The following HS3ST4 variants were observed in gnomAD, a reference collection of about 807,000 sequenced individuals.
The protein encoded by HS3ST4 is heparan sulfate-glucosamine 3-sulfotransferase 4, also known as heparan sulfate glucosamine 3-O-sulfotransferase 4.
A neutral mutation model predicts 29.2 loss-of-function variants in HS3ST4; 17 were observed. The ratio of observed to expected loss-of-function variants is 0.58; its 90% CI spans 0.40 to 0.87. The LOEUF (loss-of-function observed/expected upper bound fraction) is 0.87, where lower values mean the gene tolerates loss of function less well. Among genes scored for constraint, HS3ST4 ranks in the 40% least tolerant of loss-of-function variants. The pLI is 0.00. For missense variants in HS3ST4, 627 were observed against 634.5 expected (o/e 0.99, Z 0.13); for synonymous variants, 314 against 285.7 (o/e 1.10, Z -1.00).
chr16:26,046,145 ATTTTT>A (rs146624042), intron 1 of HS3ST4, among the ~76,000 whole-genome samples: 1 of 114,636 alleles, frequency 8.7e-6, no homozygotes, highest in African/African-American at 3.6e-5. Flanking sequence ...AGGACAGGAA[ATTTTT>A]TTTTTTTTTT....
At chr16:25,887,899 A>G (rs1967971144) in intron 1 of HS3ST4, among the ~76,000 whole-genome samples, 2 of 151,814 alleles carry the variant, frequency 1.3e-5, no homozygotes, top group South Asian at 4.2e-4. Context: ...GGGTTTCACC[A>G]TGTTAGCCAG....
At chr16:25,814,454 C>G (rs774273365) in intron 1 of HS3ST4, among the ~76,000 whole-genome samples, 3 of 152,098 alleles carry the variant, frequency 2.0e-5, no homozygotes, top group African/African-American at 4.8e-5. Context: ...TTAAGCCATT[C>G]TCCTGCCTCA....
chr16:25,891,267 G>T (rs1044114056), intron 1 of HS3ST4, among the ~76,000 whole-genome samples: 1 of 152,198 alleles, frequency 6.6e-6, no homozygotes, highest in Admixed American at 6.6e-5. Context: ...TGATATTCCA[G>T]TTACTCTTGC....
At chr16:25,941,705 T>C (rs868736471) in intron 1 of HS3ST4, among the ~76,000 whole-genome samples, 16 of 152,068 alleles carry the variant, frequency 1.1e-4, no homozygotes, top group South Asian at 1.0e-3. Flanking sequence ...GCCTCCTGAG[T>C]AGCTCAGATT....
chr16:25,762,876 CA>C (rs67260535), intron 1 of HS3ST4, among the ~76,000 whole-genome samples: 44 of 60,464 alleles, frequency 7.3e-4, no homozygotes, highest in Middle Eastern at 0.019. Context: ...GACCCTGTCT[CA>C]AAAAAAAAAA....
At chr16:25,965,853 A>T (rs1394051672) in intron 1 of HS3ST4, among the ~76,000 whole-genome samples, 1 of 152,184 alleles carries the variant, frequency 6.6e-6, no homozygotes, top group Non-Finnish European at 1.5e-5. Context: ...TTAATTAATT[A>T]ATGTTTTTGG....
At chr16:25,732,723 G>T (rs1439634620) in intron 1 of HS3ST4, among the ~76,000 whole-genome samples, 1 of 152,198 alleles carries the variant, frequency 6.6e-6, no homozygotes, top group Non-Finnish European at 1.5e-5. Context: ...GATGGAACCA[G>T]TTAAATTTCT....
chr16:26,121,054 G>A (rs1899268825), intron 1 of HS3ST4, among the ~76,000 whole-genome samples: 2 of 152,180 alleles, frequency 1.3e-5, no homozygotes, highest in South Asian at 4.1e-4. Flanking sequence ...GATGGATCTT[G>A]CTCATGATTG....
At chr16:25,895,994 C>T (rs1410651506) in intron 1 of HS3ST4, among the ~76,000 whole-genome samples, 2 of 152,144 alleles carry the variant, frequency 1.3e-5, no homozygotes, top group African/African-American at 2.4e-5. Flanking sequence ...GTCCACGGCC[C>T]TGGTGAGAGA....
chr16:25,754,040 T>G (rs1221448698), intron 1 of HS3ST4, among the ~76,000 whole-genome samples: 1 of 152,162 alleles, frequency 6.6e-6, no homozygotes, highest in Non-Finnish European at 1.5e-5. Context: ...AATTATTGAC[T>G]TGGTTGTGGT....
intron 1 of HS3ST4, among the ~76,000 whole-genome samples, chr16:25,920,605 C>T (rs796294514): frequency 3.3e-5 from 5 of 150,052 alleles, no homozygotes; most frequent in Non-Finnish European, 7.4e-5. Flanking sequence ...CGCCCCCACC[C>T]CTCTTTTTTT....
At chr16:26,019,075 C>T (rs771451296) in intron 1 of HS3ST4, among the ~76,000 whole-genome samples, 11 of 152,064 alleles carry the variant, frequency 7.2e-5, no homozygotes, top group African/African-American at 1.2e-4. Context: ...TTCTAACAAA[C>T]GATAAAAAAC....
chr16:25,785,962 G>C (rs1966857132), intron 1 of HS3ST4, among the ~76,000 whole-genome samples: 1 of 152,324 alleles, frequency 6.6e-6, no homozygotes, highest in Middle Eastern at 3.4e-3. Context: ...ACTGGCAGTG[G>C]TGAAGATGGG....
chr16:26,031,706 T>TTTG (rs1183520409), intron 1 of HS3ST4, among the ~76,000 whole-genome samples: 1 of 119,012 alleles, frequency 8.4e-6, no homozygotes, highest in Non-Finnish European at 1.6e-5. Flanking sequence ...GGAGGCGTGT[T>TTTG]TTTTTTTTTT....
chr16:25,733,390 C>T (rs780700207), intron 1 of HS3ST4, among the ~76,000 whole-genome samples: 3 of 152,150 alleles, frequency 2.0e-5, no homozygotes, highest in Non-Finnish European at 4.4e-5. Flanking sequence ...CAAGCCCACA[C>T]TGGACGTTCC....
chr16:25,889,619 T>C (rs189243807), intron 1 of HS3ST4, among the ~76,000 whole-genome samples: 32 of 152,298 alleles, frequency 2.1e-4, no homozygotes, highest in Non-Finnish European at 2.4e-4. Flanking sequence ...TGTAGTGAGA[T>C]TCTGCTTATG....
chr16:25,978,248 G>A (rs1968964373), intron 1 of HS3ST4, among the ~76,000 whole-genome samples: 2 of 152,210 alleles, frequency 1.3e-5, no homozygotes, highest in Admixed American at 1.3e-4. Context: ...GGTTCTCCCA[G>A]TCTCAGAAAT....
At chr16:26,080,449 C>T (rs541237814) in intron 1 of HS3ST4, among the ~76,000 whole-genome samples, 4 of 152,092 alleles carry the variant, frequency 2.6e-5, no homozygotes, top group Non-Finnish European at 4.4e-5. Flanking sequence ...CTGAAAGCAG[C>T]CCCTGAAAGA....
intron 1 of HS3ST4, among the ~76,000 whole-genome samples, chr16:25,932,703 T>C (rs8052547): frequency 0.58 from 87,418 of 151,746 alleles, 26,382 homozygotes; most frequent in African/African-American, 0.72. Flanking sequence ...CTATGTACCC[T>C]TCACAAAATC....
Sources: gnomAD v4.1 joint callset for allele counts (sites outside exome capture counted in the v4.1 genomes callset) on GRCh38, gnomAD v4.1.1 for gene constraint, MANE v1.5 for transcripts, NCBI Gene and HGNC (gene_info 2026-07-23, HGNC 2026-07-21) for gene names.